The following MYCT1 variants were observed in gnomAD, a reference collection of about 807,000 sequenced individuals.
MYCT1 encodes the protein myc target protein 1.
Under a neutral mutation model 15.0 loss-of-function variants are expected in MYCT1, and 12 were observed. The observed-to-expected ratio is 0.80, with a 90% CI of 0.51 to 1.29. MYCT1 has a LOEUF of 1.29. MYCT1 is among the 50% of genes most tolerant of loss of function. The pLI, the probability that MYCT1 is intolerant of heterozygous loss-of-function variation, is 0.00. For missense variants in MYCT1, 287 were observed against 279.1 expected (o/e 1.03, Z -0.20); for synonymous variants, 104 against 102.7 (o/e 1.01, Z -0.07).
chr6:152,739,976 A>G, the MYCT1 span, among the ~76,000 whole-genome samples: 1 of 152,102 alleles, frequency 6.6e-6, no homozygotes, highest in Non-Finnish European at 1.5e-5. Flanking sequence ...CAGAGTAAGA[A>G]GCAAAAATAA....
chr6:152,702,672 C>T (rs1169943635), intron 1 of MYCT1, among the ~76,000 whole-genome samples: 1 of 152,148 alleles, frequency 6.6e-6, no homozygotes, highest in East Asian at 1.9e-4. Context: ...GGTTTATGGC[C>T]TGGGCATATG....
the MYCT1 span, among the ~76,000 whole-genome samples, chr6:152,733,147 A>C: frequency 6.6e-6 from 1 of 150,618 alleles, no homozygotes; most frequent in African/African-American, 2.4e-5. Flanking sequence ...TCTGTCACCC[A>C]GGTTGGAGTA....
Position 152,724,436 on chromosome 6 carries a change from CA to C in MYCT1, c.*2184del, listed in dbSNP as rs2099725261. 6.6e-6 allele frequency: 1 copy of C among 152,090 alleles called. No homozygotes were observed. The highest frequency in any genetic ancestry group is 2.4e-5 in the African/African-American group (1 of 41,414). The allele number at this position is 152,090 out of a possible 1,614,324, so 9.4% of individuals were successfully genotyped here. A position where few individuals can be genotyped will look rare whatever the true frequency, so the allele number is the denominator to read the frequency against. ...CTGCACCCTTATCCCAGTTATAAGA[CA>C]GTCAAAATGACTATTTCCTAAATAT... On this transcript the variant is annotated 3_prime_UTR_variant, in exon 2 of 2. Transcript: ENST00000367245.
downstream of MYCT1, among the ~76,000 whole-genome samples, chr6:152,727,322 T>C (rs1010428879): frequency 6.6e-6 from 1 of 152,180 alleles, no homozygotes; most frequent in South Asian, 2.1e-4. Flanking sequence ...GCAAAAAATA[T>C]TTGTCCAGGG....
At chr6:152,698,162 TA>T in intron 1 of MYCT1, 64 bp downstream of exon 1, 1 of 924,880 alleles carries the variant, frequency 1.1e-6, no homozygotes, top group East Asian at 2.8e-5. Flanking sequence ...ACTGCGTGAT[TA>T]TTAAAACAGT....
At chr6:152,719,302 A>G (rs2099724282) in intron 1 of MYCT1, among the ~76,000 whole-genome samples, 1 of 152,176 alleles carries the variant, frequency 6.6e-6, no homozygotes, top group Non-Finnish European at 1.5e-5. Flanking sequence ...TGAATCGACC[A>G]ATTTTTATGC....
intron 1 of MYCT1, among the ~76,000 whole-genome samples, chr6:152,704,692 T>C (rs2758787): frequency 0.71 from 108,229 of 151,954 alleles, 39,048 homozygotes; most frequent in East Asian, 0.98. Context: ...TTTTCGTGAC[T>C]TTTTGTATTT....
chr6:152,725,269 A>G (rs2099725451), downstream of MYCT1, among the ~76,000 whole-genome samples: 1 of 152,228 alleles, frequency 6.6e-6, no homozygotes, highest in African/African-American at 2.4e-5. Flanking sequence ...ACACATAAAT[A>G]CATATGGAAA....
intron 1 of MYCT1, among the ~76,000 whole-genome samples, chr6:152,717,749 A>G (rs1367067603): frequency 1.3e-5 from 2 of 152,122 alleles, no homozygotes; most frequent in African/African-American, 4.8e-5. Context: ...ATGAAAACAG[A>G]CTAATGCAAT....
At chr6:152,721,681 C>T in intron 1 of MYCT1, 61 bp from the exon 2 acceptor site, 1 of 1,494,324 alleles carries the variant, frequency 6.7e-7, no homozygotes, top group Non-Finnish European at 9.1e-7. Flanking sequence ...TATGCTGACC[C>T]TTGTTTTTAG....
chr6:152,716,152 G>A (rs4130286), intron 1 of MYCT1, among the ~76,000 whole-genome samples: 2,445 of 152,242 alleles, frequency 0.016, 48 homozygotes, highest in African/African-American at 0.039. Flanking sequence ...TGGGTAGTGA[G>A]AAGTTGAATT....
At chr6:152,737,398 G>T in the MYCT1 span, among the ~76,000 whole-genome samples, 1 of 151,790 alleles carries the variant, frequency 6.6e-6, no homozygotes, top group African/African-American at 2.4e-5. Context: ...AAAAATATTG[G>T]AGATATCTAT....
intron 1 of MYCT1, among the ~76,000 whole-genome samples, chr6:152,706,871 G>GTGTATGCA (rs2099722371): frequency 6.6e-6 from 1 of 151,610 alleles, no homozygotes; most frequent in South Asian, 2.1e-4. Flanking sequence ...GTGTGTGTGT[G>GTGTATGCA]TGTATGCATA....
chr6:152,737,078 C>T, the MYCT1 span, among the ~76,000 whole-genome samples: 10 of 152,028 alleles, frequency 6.6e-5, no homozygotes, highest in African/African-American at 2.2e-4. Flanking sequence ...TTATCTTGAA[C>T]ATTACAAAAG....
the MYCT1 span, among the ~76,000 whole-genome samples, chr6:152,734,173 C>CTCT: frequency 1.3e-5 from 2 of 152,178 alleles, no homozygotes; most frequent in South Asian, 4.1e-4. Context: ...TAAGAGCATA[C>CTCT]TCTTCCTCAA....
chr6:152,745,239 A>C, the MYCT1 span, among the ~76,000 whole-genome samples: 31 of 152,174 alleles, frequency 2.0e-4, no homozygotes, highest in Non-Finnish European at 1.0e-4. Flanking sequence ...GCCATTGTAA[A>C]GTAATGGTGA....
intron 1 of MYCT1, among the ~76,000 whole-genome samples, chr6:152,707,769 G>T (rs536516957): frequency 1.3e-5 from 2 of 151,924 alleles, no homozygotes; most frequent in Non-Finnish European, 2.9e-5. Context: ...TCCCCATTGT[G>T]CATTTTTGAT....
rs2099723492 is a variant in MYCT1, at chr6:152,715,593, A to C, written c.197-6149A>C. Among the ~76,000 whole-genome samples, 3 of 152,246 alleles carry C rather than the reference A, an allele frequency of 2.0e-5. No individual in the cohort carries two copies. The South Asian group carries it at 6.2e-4, about 32-fold the overall frequency. ...TCTTAGAGTATAAATTAATGAATGT[A>C]GTTTCCATTAACCAGGAAGGAAAAA... is the stretch of plus-strand genomic sequence containing the variant. On this transcript the variant is annotated intron_variant, in intron 1 of 1. Coordinates refer to ENST00000367245, the MANE Select transcript of MYCT1 (RefSeq NM_025107.3).
chr6:152,705,175 A>G (rs1382277333), intron 1 of MYCT1, among the ~76,000 whole-genome samples: 1 of 152,210 alleles, frequency 6.6e-6, no homozygotes, highest in African/African-American at 2.4e-5. Flanking sequence ...AACTGTATTT[A>G]CTAGAGCTAA....
Sources: allele counts gnomAD v4.1 joint callset (sites outside exome capture counted in the v4.1 genomes callset), GRCh38; gene constraint gnomAD v4.1.1; transcripts MANE v1.5; gene names NCBI Gene and HGNC (gene_info 2026-07-23, HGNC 2026-07-21).